NUDT3: variants seen among roughly 807,000 people sequenced by gnomAD.
The protein encoded by NUDT3 is diphosphoinositol polyphosphate phosphohydrolase 1.
Under a neutral mutation model 23.6 loss-of-function variants are expected in NUDT3, and 9 were observed. The ratio of observed to expected loss-of-function variants is 0.38; its 90% CI spans 0.23 to 0.66. The LOEUF is 0.66. Ranked by LOEUF, NUDT3 falls within the 30% of genes least tolerant of loss-of-function variation. The pLI is 0.52. For synonymous variants in NUDT3, 86 were observed against 82.6 expected (o/e 1.04, Z -0.22); for missense variants, 172 against 218.5 (o/e 0.79, Z 1.34).
intron 1 of NUDT3, among the ~76,000 whole-genome samples, chr6:34,365,843 A>ACTGGC (rs1346070484): frequency 5.9e-4 from 90 of 152,232 alleles, no homozygotes; most frequent in African/African-American, 2.1e-3. Flanking sequence ...GGAGTTCAAG[A>ACTGGC]CTGGCCTGGC....
chr6:34,301,005 T>G (rs2113701067), intron 2 of NUDT3, among the ~76,000 whole-genome samples: 1 of 152,368 alleles, frequency 6.6e-6, no homozygotes, highest in East Asian at 1.9e-4. Flanking sequence ...AAAAGGTATT[T>G]TACCTTCTAT....
rs1240967469 is a variant in NUDT3 at position 34,283,427 on chromosome 6, ACTC to A, written c.*5323_*5325del. 6.6e-6 allele frequency: 1 copy of A among 150,914 alleles called. No homozygotes were observed. Among genetic ancestry groups the A allele is most frequent in the Non-Finnish European group, 1.5e-5 (1 of 67,716 alleles). The allele number at this position is 150,914 out of a possible 1,614,324, so 9.3% of individuals were successfully genotyped here. A position where few individuals can be genotyped will look rare whatever the true frequency, so the allele number is the denominator to read the frequency against. On this transcript the variant is annotated 3_prime_UTR_variant, in exon 5 of 5. Transcript: ENST00000607016. ...ACCATATTGGTCAGGCTGGTCTTGA[ACTC>A]CTGACCTTGTGATCCACCCGCCTCG...
chr6:34,379,578 A>G (rs1764979723), intron 1 of NUDT3, among the ~76,000 whole-genome samples: 1 of 151,642 alleles, frequency 6.6e-6, no homozygotes, highest in East Asian at 2.0e-4. Flanking sequence ...AAAGTAATCC[A>G]CAGAAGTTTT....
At chr6:34,306,532 C>T (rs1399856110) in intron 2 of NUDT3, among the ~76,000 whole-genome samples, 2 of 152,346 alleles carry the variant, frequency 1.3e-5, no homozygotes, top group Non-Finnish European at 2.9e-5. Context: ...AAAATCCTTT[C>T]CTGGAATGTG....
chr6:34,320,371 C>T (rs1046289297), intron 2 of NUDT3, among the ~76,000 whole-genome samples: 1 of 152,056 alleles, frequency 6.6e-6, no homozygotes, highest in Non-Finnish European at 1.5e-5. Context: ...GGATTACTGG[C>T]GCCTGCCACC....
chr6:34,370,658 A>T (rs958248609), intron 1 of NUDT3, among the ~76,000 whole-genome samples: 1 of 152,226 alleles, frequency 6.6e-6, no homozygotes, highest in South Asian at 2.1e-4. Context: ...CAATGGTGTT[A>T]ATTTTAGACT....
At chr6:34,374,156 C>CAAAAAAAAA (rs397888346) in intron 1 of NUDT3, among the ~76,000 whole-genome samples, 1 of 64,698 alleles carries the variant, frequency 1.5e-5, no homozygotes, top group Admixed American at 1.8e-4. Flanking sequence ...GGCTCCCTCT[C>CAAAAAAAAA]AAAAAAAAAA....
chr6:34,377,832 CAA>C (rs774757508), intron 1 of NUDT3, among the ~76,000 whole-genome samples: 19 of 61,528 alleles, frequency 3.1e-4, no homozygotes, highest in Admixed American at 3.5e-4. Context: ...GACTCCGTCT[CAA>C]AAAAAAAAAA....
At chr6:34,351,921 T>G (rs144955570) in intron 1 of NUDT3, among the ~76,000 whole-genome samples, 2 of 151,532 alleles carry the variant, frequency 1.3e-5, no homozygotes, top group East Asian at 3.9e-4. Flanking sequence ...AACAAATATT[T>G]AAGATGTATA....
chr6:34,338,567 A>G (rs145858986), intron 2 of NUDT3, among the ~76,000 whole-genome samples: 278 of 152,352 alleles, frequency 1.8e-3, no homozygotes, highest in African/African-American at 6.1e-3. Flanking sequence ...ATGGGCACTC[A>G]ATATTTGCTG....
chr6:34,288,674 G>A lies in NUDT3; in HGVS notation c.*79C>T, dbSNP rs2113689371. The stretch of plus-strand genomic sequence containing the variant: ...TTGAAAGAGGAGGCCTGTGAGAAGT[G>A]GAAAGAGCCAGGGTGAGAGGGAAGA... On this transcript the variant is annotated 3_prime_UTR_variant, in exon 5 of 5. Transcript: ENST00000607016. 2.0e-6 allele frequency: 3 copies of A among 1,517,582 alleles called. No homozygotes were observed. Among genetic ancestry groups the A allele is most frequent in the East Asian group, 4.7e-5 (2 of 42,592 alleles). 94.0% of individuals were successfully genotyped at this position (1,517,582 alleles called of 1,614,324 possible).
intron 2 of NUDT3, among the ~76,000 whole-genome samples, chr6:34,324,393 T>C (rs1337496721): frequency 6.6e-6 from 1 of 151,992 alleles, no homozygotes; most frequent in African/African-American, 2.4e-5. Context: ...GAGCCTTGTT[T>C]AGATCATATA....
rs1222498450 is a variant in NUDT3 at position 34,279,801 on chromosome 6, C to T, written c.*8952G>A. ...TTAACACATAGAAAGGAACGGCAGG[C>T]TCACAGGTTTAAGCATTTGTTTTTA... On this transcript the variant is annotated 3_prime_UTR_variant, in exon 5 of 5. Coordinates refer to ENST00000607016, the MANE Select transcript of NUDT3 (RefSeq NM_006703.4). 6.6e-6 allele frequency: 1 copy of T among 152,230 alleles called. No homozygotes were observed. Among genetic ancestry groups the T allele is most frequent in the Admixed American group, 6.5e-5 (1 of 15,288 alleles). 9.4% of individuals were successfully genotyped at this position (152,230 alleles called of 1,614,324 possible). A position where few individuals can be genotyped will look rare whatever the true frequency, so the allele number is the denominator to read the frequency against.
chr6:34,325,892 C>T (rs1415872996), intron 2 of NUDT3, among the ~76,000 whole-genome samples: 2 of 152,192 alleles, frequency 1.3e-5, no homozygotes, highest in African/African-American at 2.4e-5. Flanking sequence ...GTCACATCAC[C>T]GTCCTTTGTA....
At chr6:34,304,503 C>T (rs542943535) in intron 2 of NUDT3, among the ~76,000 whole-genome samples, 1 of 152,054 alleles carries the variant, frequency 6.6e-6, no homozygotes, top group Non-Finnish European at 1.5e-5. Flanking sequence ...ATGTAACTAT[C>T]CTCCTCTAAA....
chr6:34,392,259 C>T lies in NUDT3; in HGVS notation c.99+5G>A, dbSNP rs1475537589. On this transcript the variant is annotated splice_donor_5th_base_variant and intron_variant, in intron 1 of 4. Transcript: ENST00000607016. ...GACCCCGGCCCGCCCAGCCTGCCGC[C>T]TCACCTCCTCCTCGCTCTCGCTGCG... 3 of 1,588,708 alleles carry T rather than the reference C, an allele frequency of 1.9e-6. No homozygotes were observed. The East Asian group carries it at 6.9e-5, about 37-fold the overall frequency.
intron 2 of NUDT3, among the ~76,000 whole-genome samples, chr6:34,332,412 G>T (rs1016052720): frequency 4.6e-5 from 7 of 152,158 alleles, no homozygotes; most frequent in African/African-American, 1.7e-4. Context: ...GGAGGAAGAG[G>T]AGGGGTTGGT....
intron 4 of NUDT3, 80 bp downstream of exon 4, chr6:34,293,371 T>C (rs1212955484): frequency 6.4e-7 from 1 of 1,553,192 alleles, no homozygotes; most frequent in Non-Finnish European, 8.9e-7. Flanking sequence ...ACGCTCTTGT[T>C]TCTGGTTCTG....
In NUDT3 at chr6:34,390,673, AAAAC is replaced by A. The variant is rs201461052; in HGVS notation, c.99+1587_99+1590del. 8.1e-3 allele frequency among the ~76,000 whole-genome samples: 1,233 copies of A among 152,188 alleles called. 14 individuals carry two copies. The highest frequency in any genetic ancestry group is 0.024 in the Middle Eastern group (7 of 292). On this transcript the variant is annotated intron_variant, in intron 1 of 4. Coordinates refer to ENST00000607016, the MANE Select transcript of NUDT3 (RefSeq NM_006703.4). ...ACGCCCGGCCTGGTGTGATTTTTTT[AAAAC>A]AAACAGTCTTGCATCATTCGTACAA...
Sources: gnomAD v4.1 joint callset for allele counts (sites outside exome capture counted in the v4.1 genomes callset) on GRCh38, gnomAD v4.1.1 for gene constraint, MANE v1.5 for transcripts, NCBI Gene and HGNC (gene_info 2026-07-23, HGNC 2026-07-21) for gene names.